MEOX2: variants seen among roughly 807,000 people sequenced by gnomAD.
MEOX2 encodes mesenchyme homeobox 2.
MEOX2 carries 11 observed loss-of-function variants against 27.0 expected under a neutral mutation model. The ratio of observed to expected loss-of-function variants is 0.41; its 90% confidence interval spans 0.26 to 0.68. The LOEUF (loss-of-function observed/expected upper bound fraction) is 0.68, where lower values mean the gene tolerates loss of function less well. MEOX2 is among the 30% of genes least tolerant of loss of function. MEOX2 has a pLI of 0.33. For missense variants in MEOX2, 436 were observed against 385.4 expected, an observed-to-expected ratio of 1.13 and a Z score of -1.10; for synonymous variants, 189 against 155.4, an observed-to-expected ratio of 1.22 and a Z score of -1.61.
intron 1 of MEOX2, among the ~76,000 whole-genome samples, chr7:15,642,465 TC>T (rs1365495836): frequency 6.6e-6 from 1 of 152,196 alleles, no homozygotes; most frequent in Non-Finnish European, 1.5e-5. Flanking sequence ...TTCCAAAGTT[TC>T]TATTTTGCTT....
intron 1 of MEOX2, among the ~76,000 whole-genome samples, chr7:15,684,534 GA>G (rs1782345016): frequency 1.3e-5 from 2 of 152,192 alleles, no homozygotes; most frequent in African/African-American, 4.8e-5. Context: ...GACCGTGAGA[GA>G]AGAATCCATC....
intron 1 of MEOX2, among the ~76,000 whole-genome samples, chr7:15,661,611 A>G (rs1781920000): frequency 6.6e-6 from 1 of 152,226 alleles, no homozygotes; most frequent in African/African-American, 2.4e-5. Flanking sequence ...ATGATCAGCC[A>G]TTTCAAAGTG....
rs17168969 is a variant in MEOX2 at position 15,673,794 on chromosome 7, A to G, written c.517+12092T>C. Among the ~76,000 whole-genome samples the G allele has an allele frequency of 8.1e-3, 1,227 of 152,206 alleles. 19 individuals are homozygous for G. Among genetic ancestry groups the G allele is most frequent in the African/African-American group, 0.029 (1,184 of 41,538 alleles). On this transcript the variant is annotated intron_variant, in intron 1 of 2. Coordinates refer to ENST00000262041, the MANE Select transcript of MEOX2 (RefSeq NM_005924.5). Reference sequence around the variant, plus strand: ...AACATGTCACTGGGGATTCTTGACTAACTAAGAGATGTGGAAAATCCTGTA... The same window carrying G: ...AACATGTCACTGGGGATTCTTGACTGACTAAGAGATGTGGAAAATCCTGTA...
intron 2 of MEOX2, among the ~76,000 whole-genome samples, chr7:15,625,044 A>G (rs750114524): frequency 3.9e-5 from 6 of 152,188 alleles, no homozygotes; most frequent in Non-Finnish European, 7.3e-5. Context: ...CAAAATGTCA[A>G]GTACAGAATC....
intron 1 of MEOX2, among the ~76,000 whole-genome samples, chr7:15,674,516 A>T (rs1030357728): frequency 1.3e-5 from 2 of 151,930 alleles, no homozygotes; most frequent in African/African-American, 2.4e-5. Flanking sequence ...TAAATGTGAA[A>T]GCATTTGGCA....
At chr7:15,658,698 C>A (rs1164357189) in intron 1 of MEOX2, among the ~76,000 whole-genome samples, 6 of 152,056 alleles carry the variant, frequency 3.9e-5, no homozygotes, top group Admixed American at 2.0e-4. Flanking sequence ...CCCTGAGGAA[C>A]AGGATTTGCA....
chr7:15,618,445 T>G (rs906659860), intron 2 of MEOX2, among the ~76,000 whole-genome samples: 1 of 152,030 alleles, frequency 6.6e-6, no homozygotes, highest in African/African-American at 2.4e-5. Context: ...CTTATCTTGT[T>G]CAAACTACTG....
At chr7:15,684,537 G>T (rs1024478352) in intron 1 of MEOX2, among the ~76,000 whole-genome samples, 6 of 152,164 alleles carry the variant, frequency 3.9e-5, no homozygotes, top group Non-Finnish European at 8.8e-5. Flanking sequence ...CGTGAGAGAA[G>T]AATCCATCCT....
intron 1 of MEOX2, among the ~76,000 whole-genome samples, chr7:15,641,144 G>T (rs180969691): frequency 1.3e-5 from 2 of 152,012 alleles, no homozygotes; most frequent in East Asian, 3.9e-4. Context: ...AATCCATTTG[G>T]CCCTGGGCTT....
At chr7:15,678,733 C>T (rs1782243237) in intron 1 of MEOX2, among the ~76,000 whole-genome samples, 1 of 152,160 alleles carries the variant, frequency 6.6e-6, no homozygotes, top group Non-Finnish European at 1.5e-5. Flanking sequence ...TCATTTCTGG[C>T]AAAAATTTAA....
intron 2 of MEOX2, among the ~76,000 whole-genome samples, chr7:15,616,879 T>G (rs1477847088): frequency 1.3e-5 from 2 of 151,866 alleles, no homozygotes; most frequent in African/African-American, 2.4e-5. Flanking sequence ...TAAAACATAG[T>G]CCCTGCCCTT....
intron 1 of MEOX2, among the ~76,000 whole-genome samples, chr7:15,640,491 C>T (rs1361150853): frequency 6.6e-6 from 1 of 152,048 alleles, no homozygotes; most frequent in Non-Finnish European, 1.5e-5. Context: ...AAATTGACTT[C>T]CTTGTTTCAA....
In MEOX2 at chr7:15,674,599, GTGT is replaced by G. The variant is rs925979011; in HGVS notation, c.517+11284_517+11286del. ...GTGTGTGTGTGCATGTTTAGAAATG[GTGT>G]TGTCTTTAGAAAACAAAAGGAAAAA... is the stretch of plus-strand genomic sequence containing the variant. On this transcript the variant is annotated intron_variant, in intron 1 of 2. Transcript: ENST00000262041. Among the ~76,000 whole-genome samples, 368 of 151,620 alleles carry G rather than the reference GTGT, an allele frequency of 2.4e-3. 5 individuals carry two copies. The highest frequency in any genetic ancestry group is 1.1e-3 in the Non-Finnish European group (77 of 67,776).
intron 1 of MEOX2, among the ~76,000 whole-genome samples, chr7:15,647,634 C>T (rs961511522): frequency 2.0e-5 from 3 of 151,930 alleles, no homozygotes; most frequent in Non-Finnish European, 2.9e-5. Flanking sequence ...TGTGAACAGT[C>T]GCTGTATAAT....
At chr7:15,626,157 C>T (rs1165590513) in intron 2 of MEOX2, among the ~76,000 whole-genome samples, 5 of 152,106 alleles carry the variant, frequency 3.3e-5, no homozygotes, top group African/African-American at 4.8e-5. Flanking sequence ...AAGGTCAGTG[C>T]ATAAACTTCC....
chr7:15,631,369 C>G (rs1403352493), intron 1 of MEOX2, among the ~76,000 whole-genome samples: 1 of 151,776 alleles, frequency 6.6e-6, no homozygotes, highest in Non-Finnish European at 1.5e-5. Context: ...GGAAATAAAT[C>G]AGATAAATCC....
chr7:15,657,201 G>A (rs1435666086), intron 1 of MEOX2, among the ~76,000 whole-genome samples: 3 of 151,844 alleles, frequency 2.0e-5, no homozygotes, highest in African/African-American at 7.3e-5. Context: ...TAGGATTCTC[G>A]CAGCTGCTTG....
intron 1 of MEOX2, among the ~76,000 whole-genome samples, chr7:15,641,863 T>G (rs1331714072): frequency 6.6e-6 from 1 of 152,152 alleles, no homozygotes; most frequent in Non-Finnish European, 1.5e-5. Context: ...TTATTTCTCC[T>G]TCATTTATGA....
chr7:15,619,623 C>A (rs1781187792), intron 2 of MEOX2, among the ~76,000 whole-genome samples: 1 of 151,828 alleles, frequency 6.6e-6, no homozygotes, highest in East Asian at 1.9e-4. Flanking sequence ...CAAACACATA[C>A]ACACATATAC....
Sources: gnomAD v4.1 joint callset for allele counts (sites outside exome capture counted in the v4.1 genomes callset) on GRCh38, gnomAD v4.1.1 for gene constraint, MANE v1.5 for transcripts, NCBI Gene and HGNC (gene_info 2026-07-23, HGNC 2026-07-21) for gene names.